Variants in PAK2 observed in about 807,000 individuals in gnomAD.
PAK2 encodes the protein serine/threonine-protein kinase PAK 2.
Under a neutral mutation model 65.9 loss-of-function variants are expected in PAK2, and 21 were observed. The observed-to-expected ratio is 0.32, with a 90% CI of 0.23 to 0.46. The LOEUF (loss-of-function observed/expected upper bound fraction) is 0.46. Ranked by LOEUF, PAK2 falls within the 20% of genes least tolerant of loss-of-function variation. The pLI is 1.00. For synonymous variants in PAK2, 204 were observed against 219.7 expected (o/e 0.93, Z 0.63); for missense variants, 324 against 642.6 (o/e 0.50, Z 5.36).
intron 1 of PAK2, among the ~76,000 whole-genome samples, chr3:196,774,767 C>T (rs1333582856): frequency 6.6e-6 from 1 of 152,140 alleles, no homozygotes; most frequent in Non-Finnish European, 1.5e-5. Flanking sequence ...CACTTGTTAC[C>T]TTTAGTCAAC....
chr3:196,758,372 G>T (rs1713834775), intron 1 of PAK2, among the ~76,000 whole-genome samples: 1 of 152,260 alleles, frequency 6.6e-6, no homozygotes, highest in South Asian at 2.1e-4. Context: ...GTGGTGGGCA[G>T]AAAGTAGAGT....
intron 2 of PAK2, among the ~76,000 whole-genome samples, chr3:196,788,112 GC>G (rs1714956330): frequency 6.6e-6 from 1 of 152,186 alleles, no homozygotes; most frequent in African/African-American, 2.4e-5. Flanking sequence ...TATGCTAATT[GC>G]TTTTCATTCT....
At position 196,803,174 on chromosome 3, in the gene PAK2, T is replaced by C. The variant is rs373906638; in HGVS notation, c.436+10T>C. 259 of 1,594,898 alleles carry C rather than the reference T, an allele frequency of 1.6e-4. 1 individual carries two copies. Among genetic ancestry groups the C allele is most frequent in the Middle Eastern group, 1.2e-3 (7 of 6,000 alleles). On this transcript the variant is annotated intron_variant, in intron 4 of 14. Transcript: ENST00000327134. ...AGCTTTACTCCTCCTGGTAAGAGAG[T>C]GGCATAAGGCTGGATCAGATGGAGA...
intron 1 of PAK2, among the ~76,000 whole-genome samples, chr3:196,769,144 TAGGG>T (rs764787402): frequency 1.3e-5 from 2 of 151,520 alleles, no homozygotes; most frequent in Admixed American, 6.6e-5. Context: ...CTGGGCAACA[TAGGG>T]AGGCCCTTTC....
rs540654558 is a variant in PAK2 at position 196,827,545 on chromosome 3, T to C, written c.1488+212T>C. ...GCATGTTCCCACTCATAGGTGGGAATTGAACAATGAGAACACCTGGACACA... is the reference window on the plus strand; with the variant it reads ...GCATGTTCCCACTCATAGGTGGGAACTGAACAATGAGAACACCTGGACACA... On this transcript the variant is annotated intron_variant, in intron 14 of 14. Transcript: ENST00000327134. 941 of 545,822 alleles carry C rather than the reference T, an allele frequency of 1.7e-3. 1 individual carries two copies. Among genetic ancestry groups the C allele is most frequent in the Non-Finnish European group, 2.0e-3 (869 of 428,748 alleles). The allele number at this position is 545,822 out of a possible 1,614,324, so 33.8% of individuals were successfully genotyped here. A position where few individuals can be genotyped will look rare whatever the true frequency, so the allele number is the denominator to read the frequency against.
Position 196,805,375 on chromosome 3 carries a change from A to G in PAK2, c.460A>G (p.Thr154Ala). Residue 154 changes from threonine (T) to alanine (A), a missense_variant, in exon 5 of 15, where the codon ACA becomes GCA. By Grantham distance (58) the Thr-to-Ala change is moderately conservative. Around this residue, in one of 5 missense-constraint regions of PAK2, gnomAD observed 183 missense variants for 246.2 expected, o/e 0.74. Coordinates refer to ENST00000327134, the MANE Select transcript of PAK2 (RefSeq NM_002577.4). ...PPEKDGFPSG[T>A]PALNAKGTEA... Reference sequence around the variant, plus strand: ...AGAGAAAGATGGCTTTCCTTCTGGAACACCAGCAGTAAGTTAATTATATTA... The same window carrying G: ...AGAGAAAGATGGCTTTCCTTCTGGAGCACCAGCAGTAAGTTAATTATATTA... 7.0e-7 allele frequency: 1 copy of G among 1,432,660 alleles called. No homozygotes were observed. Among genetic ancestry groups the G allele is most frequent in the Non-Finnish European group, 9.5e-7 (1 of 1,049,906 alleles). 88.7% of individuals were successfully genotyped at this position (1,432,660 alleles called of 1,614,324 possible).
intron 2 of PAK2, among the ~76,000 whole-genome samples, chr3:196,796,461 G>A (rs891927297): frequency 6.6e-6 from 1 of 152,124 alleles, no homozygotes; most frequent in African/African-American, 2.4e-5. Context: ...ATTGCCATTA[G>A]GTGCAAGGTT....
At position 196,830,943 on chromosome 3, in the gene PAK2, G is replaced by C. The variant is rs1485482755; in HGVS notation, c.*2538G>C. ...ACTCTGTCACTCAGGCTGGAGTGCA[G>C]TGACATGATCTCAGCTCACTGCAAC... On this transcript the variant is annotated 3_prime_UTR_variant, in exon 15 of 15. Coordinates refer to ENST00000327134, the MANE Select transcript of PAK2 (RefSeq NM_002577.4). 5 of 152,094 alleles carry C rather than the reference G, an allele frequency of 3.3e-5. No homozygotes were observed. Among genetic ancestry groups the C allele is most frequent in the African/African-American group, 1.2e-4 (5 of 41,412 alleles). The allele number at this position is 152,094 out of a possible 1,614,324, so 9.4% of individuals were successfully genotyped here. A position where few individuals can be genotyped will look rare whatever the true frequency, so the allele number is the denominator to read the frequency against.
In PAK2 at chr3:196,832,507, C is replaced by T. The variant is rs1357708849; in HGVS notation, c.*4102C>T. 5 of 152,036 alleles carry T rather than the reference C, an allele frequency of 3.3e-5. No individual in the cohort carries two copies. The highest frequency in any genetic ancestry group is 7.4e-5 in the Non-Finnish European group (5 of 68,002). 9.4% of individuals were successfully genotyped at this position (152,036 alleles called of 1,614,324 possible). On this transcript the variant is annotated 3_prime_UTR_variant, in exon 15 of 15. Coordinates refer to ENST00000327134, the MANE Select transcript of PAK2 (RefSeq NM_002577.4). ...AAAAAAAGTGTGCATTTTTCCCTTT[C>T]CTAAACTTTTATTCTTTCTTTTGAT...
At chr3:196,827,751 A>T (rs79225364) in intron 14 of PAK2, among the ~76,000 whole-genome samples, 1 of 149,404 alleles carries the variant, frequency 6.7e-6, no homozygotes, top group East Asian at 1.9e-4. Context: ...TTAAAGTATT[A>T]AAAAAAAAAG....
chr3:196,740,707 C>T (rs1255056424), intron 1 of PAK2, among the ~76,000 whole-genome samples: 5 of 152,172 alleles, frequency 3.3e-5, no homozygotes, highest in African/African-American at 7.2e-5. Context: ...GCGTCCCGGG[C>T]GCTTGAGGGC....
chr3:196,757,532 A>AGG (rs1458008995), intron 1 of PAK2, among the ~76,000 whole-genome samples: 1 of 152,106 alleles, frequency 6.6e-6, no homozygotes, highest in Non-Finnish European at 1.5e-5. Flanking sequence ...TTTAGACCTT[A>AGG]TTCTGGTTTG....
intron 1 of PAK2, among the ~76,000 whole-genome samples, chr3:196,758,691 A>C (rs900685548): frequency 5.3e-5 from 8 of 152,126 alleles, no homozygotes; most frequent in African/African-American, 1.7e-4. Context: ...GTCTCGCTCT[A>C]CTGCCCAGGG....
intron 1 of PAK2, among the ~76,000 whole-genome samples, chr3:196,768,395 T>C (rs1253852257): frequency 6.6e-6 from 1 of 152,112 alleles, no homozygotes; most frequent in Non-Finnish European, 1.5e-5. Flanking sequence ...CTTGATTATT[T>C]CCTTCCTACA....
chr3:196,755,457 CTTT>C (rs10710047), intron 1 of PAK2, among the ~76,000 whole-genome samples: 4,394 of 123,662 alleles, frequency 0.036, 81 homozygotes, highest in Middle Eastern at 0.064. Context: ...CTTCTTCCGA[CTTT>C]TTTTTTTTTT....
chr3:196,750,760 A>ATTTTT (rs1713551337), intron 1 of PAK2, among the ~76,000 whole-genome samples: 11 of 149,598 alleles, frequency 7.4e-5, no homozygotes, highest in African/African-American at 1.3e-4. Flanking sequence ...AAAGTTTAAA[A>ATTTTT]AAAAAAAAAA....
chr3:196,805,663 T>G (rs1230435345), intron 5 of PAK2, among the ~76,000 whole-genome samples: 1 of 152,088 alleles, frequency 6.6e-6, no homozygotes, highest in African/African-American at 2.4e-5. Context: ...ACAAAGAACT[T>G]GCTAGCATAT....
rs200335533 is a variant in PAK2 at position 196,803,213 on chromosome 3, T to G, written c.436+49T>G. Reference sequence around the variant, plus strand: ...ATCAGATGGAGATTTGTGAAGCACTTCTAGATAAAAAGATTACTCCTGGAA... The same window carrying G: ...ATCAGATGGAGATTTGTGAAGCACTGCTAGATAAAAAGATTACTCCTGGAA... On this transcript the variant is annotated intron_variant, in intron 4 of 14. Transcript: ENST00000327134. 2.8e-6 allele frequency: 4 copies of G among 1,432,408 alleles called. No individual in the cohort carries two copies. The East Asian group carries it at 9.6e-5, about 34-fold the overall frequency. The allele number at this position is 1,432,408 out of a possible 1,614,324, so 88.7% of individuals were successfully genotyped here.
intron 8 of PAK2, among the ~76,000 whole-genome samples, chr3:196,811,307 TC>T (rs1377038351): frequency 2.2e-4 from 12 of 54,118 alleles, no homozygotes; most frequent in South Asian, 1.4e-3. Flanking sequence ...CTCCCTTCCT[TC>T]CCTTCCTTTC....
Sources: allele counts gnomAD v4.1 joint callset (sites outside exome capture counted in the v4.1 genomes callset), GRCh38; gene constraint gnomAD v4.1.1; regional missense constraint gnomAD v4.1.1; transcripts MANE v1.5; gene names NCBI Gene and HGNC (gene_info 2026-07-23, HGNC 2026-07-21).